The following JAKMIP3 variants were observed in gnomAD, a reference collection of about 807,000 sequenced individuals.
The protein encoded by JAKMIP3 is janus kinase and microtubule-interacting protein 3.
A neutral mutation model predicts 118.5 loss-of-function variants in JAKMIP3; 58 were observed. That is an observed-to-expected ratio of 0.49 (90% CI 0.40 to 0.61). The LOEUF is 0.61. JAKMIP3 is among the 20% of genes least tolerant of loss of function. JAKMIP3 has a pLI of 0.00. For synonymous variants in JAKMIP3, 486 were observed against 451.2 expected (o/e 1.08, Z -0.98); for missense variants, 950 against 1,109.0 (o/e 0.86, Z 2.04).
chr10:132,142,578 G>T (rs970942683), intron 11 of JAKMIP3, among the ~76,000 whole-genome samples: 1 of 152,166 alleles, frequency 6.6e-6, no homozygotes, highest in Admixed American at 6.5e-5. Flanking sequence ...CCTTAGCGTC[G>T]TCCCCCAGGA....
chr10:132,179,131 G>GC lies in JAKMIP3; in HGVS notation c.*1104-3224dup, dbSNP rs1404917576. On this transcript the variant is annotated intron_variant, in intron 23 of 23. Transcript: ENST00000684848. This position sits in a 1 kb window ranked among gnomAD's most constrained non-coding sequence, Gnocchi z 4.3. ...TGCCGCCCTTGGCACTGTCCAATGA[G>GC]CCAAGTTCATGATTGTGGTTGTCAA... Among the ~76,000 whole-genome samples the GC allele has an allele frequency of 6.6e-6, 1 of 152,212 alleles. No individual in the cohort carries two copies. Among genetic ancestry groups the GC allele is most frequent in the Non-Finnish European group, 1.5e-5 (1 of 68,036 alleles).
At chr10:132,082,996 C>T (rs1004906028) in intron 1 of JAKMIP3, among the ~76,000 whole-genome samples, 5 of 152,228 alleles carry the variant, frequency 3.3e-5, no homozygotes, top group Admixed American at 3.3e-4. Context: ...CTGCTATAAA[C>T]GTGCATGTGC....
At chr10:132,173,296 G>A (rs1423694112) in intron 23 of JAKMIP3, among the ~76,000 whole-genome samples, 1 of 144,442 alleles carries the variant, frequency 6.9e-6, no homozygotes, top group Non-Finnish European at 1.5e-5. Context: ...CAGGCCAATG[G>A]TGTGTGGTTC....
In JAKMIP3 at chr10:132,139,721, A is replaced by G. The variant is rs189593118; in HGVS notation, c.1345-730A>G. On this transcript the variant is annotated intron_variant, in intron 9 of 23. Coordinates refer to ENST00000684848, the MANE Select transcript of JAKMIP3 (RefSeq NM_001323087.2). ...GAGGACACAGGGTGTGGGGAGGCAC[A>G]CAGGACAGGGGCCAGTGGTTGGCGG... Among the ~76,000 whole-genome samples, 144 of 152,318 alleles carry G rather than the reference A, an allele frequency of 9.5e-4. No homozygotes were observed. In the East Asian group the frequency reaches 0.01, roughly 11 times the overall value.
intron 3 of JAKMIP3, among the ~76,000 whole-genome samples, chr10:132,126,205 A>C (rs1176544743): frequency 6.6e-6 from 1 of 152,202 alleles, no homozygotes; most frequent in South Asian, 2.1e-4. Context: ...TCCCAGCTGC[A>C]GGTGAAAGTA....
At chr10:132,139,385 AGT>A (rs1225692119) in intron 9 of JAKMIP3, among the ~76,000 whole-genome samples, 5 of 91,974 alleles carry the variant, frequency 5.4e-5, no homozygotes, top group Non-Finnish European at 1.1e-4. Context: ...TGAGTATGTG[AGT>A]GTATGAGTAT....
At chr10:132,152,337 G>C (rs1052552072) in intron 16 of JAKMIP3, among the ~76,000 whole-genome samples, 3 of 152,214 alleles carry the variant, frequency 2.0e-5, no homozygotes, top group African/African-American at 7.2e-5. Context: ...CCACGAGCTG[G>C]AGTCAGGCAG....
chr10:132,079,047 T>C (rs2041340822), intron 1 of JAKMIP3, among the ~76,000 whole-genome samples: 1 of 148,362 alleles, frequency 6.7e-6, no homozygotes, highest in Non-Finnish European at 1.5e-5. Context: ...CCCGTCACCC[T>C]CTCTCCTGGC....
Position 132,167,075 on chromosome 10 carries a change from G to T in JAKMIP3, c.*22+20G>T. 1.3e-6 allele frequency: 2 copies of T among 1,510,000 alleles called. No homozygotes were observed. Among genetic ancestry groups the T allele is most frequent in the East Asian group, 4.9e-5 (2 of 40,720 alleles). 93.5% of individuals were successfully genotyped at this position (1,510,000 alleles called of 1,614,324 possible). On this transcript the variant is annotated intron_variant, in intron 22 of 23. Coordinates refer to ENST00000684848, the MANE Select transcript of JAKMIP3 (RefSeq NM_001323087.2). ...GACGTGGTGAGTATTTCGTTGGCAG[G>T]GCCCAGCAGGGGTCCCGCTCTGCTT... is the stretch of plus-strand genomic sequence containing the variant.
At chr10:132,071,910 C>CT (rs2040008090) in intron 1 of JAKMIP3, among the ~76,000 whole-genome samples, 2 of 134,772 alleles carry the variant, frequency 1.5e-5, no homozygotes, top group Admixed American at 8.0e-5. Flanking sequence ...TCTTCCCTTC[C>CT]TTCCTTCCTT....
chr10:132,139,049 A>AGAGAGTGTGT (rs71228743), intron 9 of JAKMIP3, among the ~76,000 whole-genome samples: 7 of 150,192 alleles, frequency 4.7e-5, no homozygotes, highest in East Asian at 3.9e-4. Context: ...CTTTATGTTG[A>AGAGAGTGTGT]GTGTGTGTGT....
chr10:132,144,817 TACTC>T (rs2054288386), intron 11 of JAKMIP3: 3 of 318,920 alleles, frequency 9.4e-6, no homozygotes, highest in African/African-American at 2.2e-5. Flanking sequence ...TGGTCCCAGT[TACTC>T]AGGATGGTGA....
chr10:132,150,088 C>T, intron 16 of JAKMIP3, 47 bp downstream of exon 16: 26 of 1,488,190 alleles, frequency 1.7e-5, no homozygotes, highest in Non-Finnish European at 2.3e-5. Context: ...CCCACAACCC[C>T]CAGCCCAGCC....
intron 1 of JAKMIP3, among the ~76,000 whole-genome samples, chr10:132,083,852 T>C (rs928175929): frequency 2.6e-5 from 4 of 152,176 alleles, no homozygotes; most frequent in African/African-American, 9.6e-5. Context: ...TATTTGGGTT[T>C]ATTTGAACCC....
At chr10:132,120,824 C>T (rs534399527) in intron 3 of JAKMIP3, among the ~76,000 whole-genome samples, 12 of 152,362 alleles carry the variant, frequency 7.9e-5, no homozygotes, top group African/African-American at 2.2e-4. Context: ...TCTAAAATCC[C>T]GTGGTGACGG....
intron 1 of JAKMIP3, among the ~76,000 whole-genome samples, chr10:132,045,857 C>T (rs1034522229): frequency 6.6e-6 from 1 of 150,500 alleles, no homozygotes; most frequent in African/African-American, 2.5e-5. Context: ...TCACTTGAGC[C>T]AGGGAGGTAG....
chr10:132,056,884 C>T (rs1034109011), intron 1 of JAKMIP3, among the ~76,000 whole-genome samples: 16 of 152,246 alleles, frequency 1.1e-4, no homozygotes, highest in African/African-American at 3.9e-4. Context: ...GGGGGTCCAG[C>T]TCCCACCCAG....
Position 132,136,066 on chromosome 10 carries a change from A to G in JAKMIP3, c.1106A>G (p.Asn369Ser), listed in dbSNP as rs2051698803. The G allele has an allele frequency of 6.2e-7, 1 of 1,613,356 alleles. No homozygotes were observed. The highest frequency in any genetic ancestry group is 8.5e-7 in the Non-Finnish European group (1 of 1,179,690). Residue 369 changes from asparagine (N) to serine (S), a missense_variant, in exon 6 of 24, where the codon AAC becomes AGC. Asn to Ser is a conservative substitution (Grantham distance 46). Transcript: ENST00000684848. ...AAGTTAAAATTTGTCACCCAGGAGAACATAGAAATGGTGAGGGGGTGGGGG... is the reference window on the plus strand; with the variant it reads ...AAGTTAAAATTTGTCACCCAGGAGAGCATAGAAATGGTGAGGGGGTGGGGG... Reference protein sequence around the residue: ...ENKLKFVTQENIEMRQRAGII... With the variant: ...ENKLKFVTQESIEMRQRAGII...
chr10:132,092,528 C>G (rs1420300304), intron 1 of JAKMIP3, among the ~76,000 whole-genome samples: 1 of 152,216 alleles, frequency 6.6e-6, no homozygotes, highest in East Asian at 1.9e-4. Context: ...GGTCTTCAAT[C>G]ACTGATACCC....
Sources: allele counts gnomAD v4.1 joint callset (sites outside exome capture counted in the v4.1 genomes callset), GRCh38; gene constraint gnomAD v4.1.1; non-coding constraint Gnocchi (gnomAD v3.1); transcripts MANE v1.5; gene names NCBI Gene and HGNC (gene_info 2026-07-23, HGNC 2026-07-21).